The following KIF17 variants were observed in gnomAD, a reference collection of about 807,000 sequenced individuals.
KIF17 encodes the protein kinesin-like protein KIF17.
In KIF17, 80 loss-of-function variants were observed where a neutral mutation model predicts 96.8. The ratio of observed to expected loss-of-function variants is 0.83; its 90% CI spans 0.69 to 1.00. The LOEUF is 1.00. Among genes scored for constraint, KIF17 ranks in the 50% least tolerant of loss-of-function variants. The probability of loss-of-function intolerance (pLI) is 0.00; values close to 1 mark genes in which losing one functional copy is unlikely to be tolerated. For synonymous variants in KIF17, 567 were observed against 587.5 expected, an observed-to-expected ratio of 0.97 and a Z score of 0.51; for missense variants, 1,280 against 1,372.9, an observed-to-expected ratio of 0.93 and a Z score of 1.07.
chr1:20,677,473 T>C (rs1001088031), intron 11 of KIF17, among the ~76,000 whole-genome samples: 1 of 152,132 alleles, frequency 6.6e-6, no homozygotes, highest in Non-Finnish European at 1.5e-5. Context: ...TATTACAAGA[T>C]ATTGGAAACA....
At chr1:20,669,559 AAT>A (rs1169760177) in intron 13 of KIF17, among the ~76,000 whole-genome samples, 5,437 of 133,032 alleles carry the variant, frequency 0.041, 122 homozygotes, top group South Asian at 0.056. Context: ...TAATAATAAT[AAT>A]AATAAATAAA....
rs142339508 is a variant in KIF17 at position 20,678,881 on chromosome 1, T to G, written c.2463+3772A>C. On this transcript the variant is annotated intron_variant, in intron 11 of 14. Transcript: ENST00000400463. ...TGGGAAGCGCCCTTGAGGTGGAAAC[T>G]GAAAGTCCTGCAGAAACAAGAGAAA... 5.8e-3 allele frequency among the ~76,000 whole-genome samples: 868 copies of G among 150,698 alleles called. 7 individuals carry two copies. The highest frequency in any genetic ancestry group is 0.02 in the African/African-American group (815 of 40,892).
At position 20,704,296 on chromosome 1, in the gene KIF17, AACCAGGG is replaced by A; in HGVS notation, c.1123+144_1123+150del. The A allele has an allele frequency of 4.5e-6, 3 of 674,050 alleles. No individual in the cohort carries two copies. Among genetic ancestry groups the A allele is most frequent in the Non-Finnish European group, 8.0e-6 (3 of 375,958 alleles). 41.8% of individuals were successfully genotyped at this position (674,050 alleles called of 1,614,324 possible). On this transcript the variant is annotated intron_variant, in intron 5 of 14. Transcript: ENST00000400463. This position sits in a 1 kb window ranked among gnomAD's most constrained non-coding sequence, Gnocchi z 6.8. ...AGCAGATACCATCTGGGCCGTCTCC[AACCAGGG>A]CCCTGCGCTCACATGGGGCTGAGGG...
At position 20,690,692 on chromosome 1, in the gene KIF17, T is replaced by A. The variant is rs11580816; in HGVS notation, c.1234-357A>T. On this transcript the variant is annotated intron_variant, in intron 6 of 14. Coordinates refer to ENST00000400463, the MANE Select transcript of KIF17 (RefSeq NM_001122819.3). ...CATGCCACCATCAGCAAAAAAAAAT[T>A]TTTTTTTTTTTTGAGACGGAGTCTC... 7.6e-3 allele frequency among the ~76,000 whole-genome samples: 1,033 copies of A among 135,844 alleles called. 16 individuals carry two copies. The highest frequency in any genetic ancestry group is 0.024 in the African/African-American group (935 of 39,280). 89.1% of individuals were successfully genotyped at this position (135,844 alleles called of 152,430 possible).
rs2053951477 is a variant in KIF17 at position 20,687,104 on chromosome 1, T to C, written c.1938+284A>G. Among the ~76,000 whole-genome samples the C allele has an allele frequency of 6.6e-6, 1 of 152,098 alleles. No homozygotes were observed. Among genetic ancestry groups the C allele is most frequent in the Non-Finnish European group, 1.5e-5 (1 of 68,024 alleles). On this transcript the variant is annotated intron_variant, in intron 8 of 14. Coordinates refer to ENST00000400463, the MANE Select transcript of KIF17 (RefSeq NM_001122819.3). This position sits in a 1 kb window ranked among gnomAD's most constrained non-coding sequence, Gnocchi z 4.4. ...ACTGGGCAAACGCCCTGTACAGCTGTCCCTCCATCTGCAGAACGGGAGCCC... is the reference window on the plus strand; with the variant it reads ...ACTGGGCAAACGCCCTGTACAGCTGCCCCTCCATCTGCAGAACGGGAGCCC...
In KIF17 at chr1:20,717,855, C is replaced by A; in HGVS notation, c.-149G>T. ...GGGCCGCGGCGGGGGGCGGGGACCC[C>A]TCGGGGGGCGCCCCGGAGGGGAGCT... On this transcript the variant is annotated 5_prime_UTR_variant, in exon 1 of 15. In the 5' UTR this introduces an upstream ATG that the reference lacks. Coordinates refer to ENST00000400463, the MANE Select transcript of KIF17 (RefSeq NM_001122819.3). 1 of 526,372 alleles carries A rather than the reference C, an allele frequency of 1.9e-6. No homozygotes were observed. The highest frequency in any genetic ancestry group is 2.3e-6 in the Non-Finnish European group (1 of 437,414). 32.6% of individuals were successfully genotyped at this position (526,372 alleles called of 1,614,324 possible).
intron 7 of KIF17, among the ~76,000 whole-genome samples, chr1:20,688,501 A>G (rs536807749): frequency 6.6e-6 from 1 of 152,110 alleles, no homozygotes; most frequent in African/African-American, 2.4e-5. Flanking sequence ...TCCCTGACCA[A>G]CGCTGGGATT....
intron 6 of KIF17, chr1:20,693,746 C>G (rs1031135359): frequency 6.6e-6 from 1 of 152,200 alleles, no homozygotes; most frequent in African/African-American, 2.4e-5. Flanking sequence ...TTTCACTACT[C>G]CAGGATGAGG....
chr1:20,702,519 G>A (rs142960482), intron 5 of KIF17, among the ~76,000 whole-genome samples: 2 of 151,954 alleles, frequency 1.3e-5, no homozygotes, highest in East Asian at 3.9e-4. Context: ...AGAGGAGGAA[G>A]GCAGATGGCT....
chr1:20,694,426 A>G (rs1301891401), intron 6 of KIF17, among the ~76,000 whole-genome samples: 2 of 151,044 alleles, frequency 1.3e-5, no homozygotes, highest in South Asian at 2.1e-4. Context: ...CATGCAACAT[A>G]TTCAGGCCTC....
At chr1:20,694,735 T>C (rs1379031455) in intron 6 of KIF17, among the ~76,000 whole-genome samples, 2 of 152,216 alleles carry the variant, frequency 1.3e-5, no homozygotes, top group African/African-American at 2.4e-5. Flanking sequence ...TAGATACACT[T>C]GAACCTCAAA....
chr1:20,704,595 C>T lies in KIF17; in HGVS notation c.975G>A (p.Thr325=), dbSNP rs778098436. Residue 325 remains threonine, a synonymous_variant, in exon 5 of 15, where the codon ACG becomes ACA. Transcript: ENST00000400463. This position sits in a 1 kb window ranked among gnomAD's most constrained non-coding sequence, Gnocchi z 6.8. ...TCTTGGCCCGGTTGGCGTAGCGCAGCGTGCTGAGTGTCTCATCGTAGTTGT... is the reference window on the plus strand; with the variant it reads ...TCTTGGCCCGGTTGGCGTAGCGCAGTGTGCTGAGTGTCTCATCGTAGTTGT... ...ADNNYDETLS[T]LRYANRAKNI... 47 of 1,614,070 alleles carry T rather than the reference C, an allele frequency of 2.9e-5. No individual in the cohort carries two copies. The highest frequency in any genetic ancestry group is 8.9e-5 in the East Asian group (4 of 44,884).
intron 6 of KIF17, chr1:20,692,878 A>G (rs2054067016): frequency 1.3e-5 from 2 of 150,772 alleles, no homozygotes; most frequent in Admixed American, 6.6e-5. Context: ...GGTTGCAGCA[A>G]TTCTCCTGCC....
chr1:20,691,624 A>ATTTTT, intron 6 of KIF17, among the ~76,000 whole-genome samples: 1 of 122,990 alleles, frequency 8.1e-6, no homozygotes. Flanking sequence ...ACGTCTGGCT[A>ATTTTT]TTTTTTTTTT....
intron 11 of KIF17, among the ~76,000 whole-genome samples, chr1:20,675,571 G>A (rs2053724920): frequency 6.6e-6 from 1 of 152,132 alleles, no homozygotes; most frequent in Non-Finnish European, 1.5e-5. Flanking sequence ...GATTACGGTA[G>A]CTTTGTAGCA....
At chr1:20,673,219 A>G (rs570894722) in intron 11 of KIF17, among the ~76,000 whole-genome samples, 1 of 151,996 alleles carries the variant, frequency 6.6e-6, no homozygotes, top group Non-Finnish European at 1.5e-5. Flanking sequence ...GTCTCAAAAT[A>G]AATAAATAAA....
rs1414901196 is a variant in KIF17 at position 20,709,776 on chromosome 1, G to A, written c.533C>T (p.Thr178Met). Residue 178 changes from threonine (T) to methionine (M), a missense_variant, in exon 4 of 15, where the codon ACG (threonine) becomes ATG (methionine). By Grantham distance (81) the Thr-to-Met change is moderately conservative. Coordinates refer to ENST00000400463, the MANE Select transcript of KIF17 (RefSeq NM_001122819.3). This position sits in a 1 kb window ranked among gnomAD's most constrained non-coding sequence, Gnocchi z 4.7. ...CTCACACTGGGCCACGCTGTGCACC[G>A]TGTGCATGGACAGCCCCTTCACGTA... ...GVYVKGLSMH[T>M]VHSVAQCEHI... The A allele has an allele frequency of 1.9e-5, 30 of 1,613,936 alleles. No individual in the cohort carries two copies. Among genetic ancestry groups the A allele is most frequent in the Admixed American group, 1.0e-4 (6 of 60,000 alleles).
At chr1:20,713,621 C>T (rs1209901902) in intron 2 of KIF17, 66 bp from the exon 3 acceptor site, 1 of 1,233,470 alleles carries the variant, frequency 8.1e-7, no homozygotes, top group Non-Finnish European at 1.2e-6. Flanking sequence ...CCAGGTCTGA[C>T]CCTGGGGCCT....
chr1:20,704,965 G>A lies in KIF17; in HGVS notation c.671-66C>T. 1.4e-6 allele frequency: 2 copies of A among 1,437,640 alleles called. No homozygotes were observed. Among genetic ancestry groups the A allele is most frequent in the South Asian group, 1.1e-5 (1 of 87,498 alleles). The allele number at this position is 1,437,640 out of a possible 1,614,324, so 89.1% of individuals were successfully genotyped here. A position where few individuals can be genotyped will look rare whatever the true frequency, so the allele number is the denominator to read the frequency against. On this transcript the variant is annotated intron_variant, in intron 4 of 14. Transcript: ENST00000400463. The surrounding 1 kb of genome is among the most constrained non-coding windows in gnomAD (Gnocchi z 6.8). ...GCCCTATGTATCGAGGGCAATCAGT[G>A]CCAGGCACTGGGTGCTCAATGCCCA...
Sources: allele counts gnomAD v4.1 joint callset (sites outside exome capture counted in the v4.1 genomes callset), GRCh38; gene constraint gnomAD v4.1.1; non-coding constraint Gnocchi (gnomAD v3.1); transcripts MANE v1.5; gene names NCBI Gene and HGNC (gene_info 2026-07-23, HGNC 2026-07-21).